Variants in MTA3 observed in about 807,000 individuals in gnomAD.
MTA3 encodes metastasis-associated protein MTA3.
MTA3 carries 34 observed loss-of-function variants against 83.5 expected under a neutral mutation model. The ratio of observed to expected loss-of-function variants is 0.41; its 90% CI spans 0.31 to 0.54. MTA3 has a LOEUF of 0.54. Ranked by LOEUF, MTA3 falls within the 20% of genes least tolerant of loss-of-function variation. The probability of loss-of-function intolerance (pLI) is 0.33; values close to 1 mark genes in which losing one functional copy is unlikely to be tolerated. For synonymous variants in MTA3, 303 were observed against 252.7 expected (o/e 1.20, Z -1.89); for missense variants, 761 against 726.4 (o/e 1.05, Z -0.55).
At chr2:42,682,005 G>A (rs1451828153) in intron 8 of MTA3, among the ~76,000 whole-genome samples, 3 of 152,150 alleles carry the variant, frequency 2.0e-5, no homozygotes, top group African/African-American at 4.8e-5. Context: ...CCAGGAGTTC[G>A]AGACCAGCCT....
At chr2:42,726,428 A>G (rs1471535810) in intron 16 of MTA3, among the ~76,000 whole-genome samples, 1 of 151,596 alleles carries the variant, frequency 6.6e-6, no homozygotes, top group African/African-American at 2.4e-5. Flanking sequence ...ATATGTATAC[A>G]TGTGCCATGC....
intron 16 of MTA3, among the ~76,000 whole-genome samples, chr2:42,738,746 G>A (rs918446497): frequency 1.3e-5 from 2 of 152,182 alleles, no homozygotes; most frequent in African/African-American, 4.8e-5. Context: ...AGCATGGAAC[G>A]TCCCTGAGAA....
At chr2:42,555,190 A>G (rs1677319053) in intron 2 of MTA3, among the ~76,000 whole-genome samples, 1 of 151,930 alleles carries the variant, frequency 6.6e-6, no homozygotes. Context: ...GAGGCCGGAC[A>G]TTGTGGCTCA....
At chr2:42,715,006 T>C (rs1016743731) in intron 14 of MTA3, among the ~76,000 whole-genome samples, 3 of 152,120 alleles carry the variant, frequency 2.0e-5, no homozygotes, top group Non-Finnish European at 4.4e-5. Flanking sequence ...GACATGTTCC[T>C]TGTGACCAGT....
intron 4 of MTA3, among the ~76,000 whole-genome samples, chr2:42,638,863 A>C (rs1385766955): frequency 6.7e-6 from 1 of 148,488 alleles, no homozygotes; most frequent in Non-Finnish European, 1.5e-5. Flanking sequence ...TACAGTGATC[A>C]CCAGAAAAAG....
chr2:42,552,974 T>G (rs1677187586), intron 2 of MTA3, among the ~76,000 whole-genome samples: 1 of 144,166 alleles, frequency 6.9e-6, no homozygotes, highest in Admixed American at 6.9e-5. Context: ...AAAAAAAAAA[T>G]CAAAGAAAGT....
intron 2 of MTA3, among the ~76,000 whole-genome samples, chr2:42,555,532 G>A (rs1677340962): frequency 6.6e-6 from 1 of 150,914 alleles, no homozygotes; most frequent in African/African-American, 2.4e-5. Context: ...AGGCCGAGGT[G>A]GGCAGATCAC....
intron 16 of MTA3, among the ~76,000 whole-genome samples, chr2:42,741,208 T>C (rs1669004302): frequency 6.6e-6 from 1 of 152,250 alleles, no homozygotes; most frequent in African/African-American, 2.4e-5. Context: ...TCAGTCTTCA[T>C]AGAATTGAAG....
chr2:42,678,287 T>A (rs79321728), intron 8 of MTA3, among the ~76,000 whole-genome samples: 2,188 of 152,302 alleles, frequency 0.014, 54 homozygotes, highest in African/African-American at 0.049. Flanking sequence ...TCGGAAATTG[T>A]TCATGAAATC....
intron 9 of MTA3, among the ~76,000 whole-genome samples, chr2:42,695,365 C>T (rs1475908707): frequency 4.6e-5 from 7 of 151,786 alleles, no homozygotes; most frequent in East Asian, 1.9e-4. Flanking sequence ...CCAGGTGTGA[C>T]GGCTCGCACC....
intron 5 of MTA3, among the ~76,000 whole-genome samples, chr2:42,642,864 C>G (rs1034596842): frequency 1.3e-5 from 2 of 152,070 alleles, no homozygotes; most frequent in Non-Finnish European, 2.9e-5. Context: ...AGGCTAGTCT[C>G]GAAGTCCTGA....
intron 4 of MTA3, among the ~76,000 whole-genome samples, chr2:42,629,946 C>CT (rs1215134269): frequency 1.3e-5 from 2 of 151,894 alleles, no homozygotes; most frequent in Admixed American, 6.6e-5. Context: ...ACCCGGCTAA[C>CT]TTTTTTTGTA....
intron 3 of MTA3, among the ~76,000 whole-genome samples, chr2:42,583,075 AAAAACGGGGAG>A: frequency 6.6e-6 from 1 of 152,162 alleles, no homozygotes; most frequent in Non-Finnish European, 1.5e-5. Flanking sequence ...TTTACCACCA[AAAAACGGGGAG>A]AAAAAAGACA....
At chr2:42,526,082 C>T (rs544284055) in intron 2 of MTA3, among the ~76,000 whole-genome samples, 2 of 152,252 alleles carry the variant, frequency 1.3e-5, no homozygotes, top group East Asian at 3.9e-4. Context: ...AGCCAGGTAA[C>T]CCCACCTTGA....
At chr2:42,619,595 C>G (rs1253844749) in intron 4 of MTA3, among the ~76,000 whole-genome samples, 1 of 152,100 alleles carries the variant, frequency 6.6e-6, no homozygotes, top group African/African-American at 2.4e-5. Context: ...CCCACATTGA[C>G]CCAGTGATTC....
chr2:42,618,127 T>C (rs1227332539), intron 4 of MTA3, among the ~76,000 whole-genome samples: 1 of 152,002 alleles, frequency 6.6e-6, no homozygotes, highest in Non-Finnish European at 1.5e-5. Context: ...AAAAAAGTTT[T>C]GTTGGAGAGA....
intron 3 of MTA3, among the ~76,000 whole-genome samples, chr2:42,596,021 A>G (rs1471947193): frequency 1.3e-5 from 2 of 152,246 alleles, no homozygotes; most frequent in African/African-American, 4.8e-5. Flanking sequence ...GAGAAGGGAA[A>G]ATAAAAGAAC....
At chr2:42,669,354 G>A (rs955227237) in intron 8 of MTA3, among the ~76,000 whole-genome samples, 16 of 152,118 alleles carry the variant, frequency 1.1e-4, no homozygotes, top group African/African-American at 3.6e-4. Flanking sequence ...CAAAGTGCTG[G>A]GATTACAAGC....
intron 4 of MTA3, among the ~76,000 whole-genome samples, chr2:42,634,166 A>G (rs1401256915): frequency 6.6e-6 from 1 of 152,128 alleles, no homozygotes; most frequent in Non-Finnish European, 1.5e-5. Context: ...TCTGGCCCAA[A>G]ATGTCCACCA....
Sources: allele counts gnomAD v4.1 joint callset (sites outside exome capture counted in the v4.1 genomes callset), GRCh38; gene constraint gnomAD v4.1.1; transcripts MANE v1.5; gene names NCBI Gene and HGNC (gene_info 2026-07-23, HGNC 2026-07-21).